C16orf96: variants seen among roughly 807,000 people sequenced by gnomAD.
C16orf96 encodes the protein chromosome 16 open reading frame 96, also known as uncharacterized protein C16orf96.
Under a neutral mutation model 103.6 loss-of-function variants are expected in C16orf96, and 108 were observed. The observed-to-expected ratio is 1.04, with a 90% CI of 0.89 to 1.22. C16orf96 has a LOEUF of 1.22. C16orf96 is among the 50% of genes most tolerant of loss of function. The probability of loss-of-function intolerance (pLI) is 0.00; values close to 1 mark genes in which losing one functional copy is unlikely to be tolerated. For synonymous variants in C16orf96, 566 were observed against 593.5 expected (o/e 0.95, Z 0.67); for missense variants, 1,586 against 1,464.2 (o/e 1.08, Z -1.36).
In C16orf96 at chr16:4,575,882, G is replaced by A; in HGVS notation, c.1402G>A (p.Gly468Ser). The change falls in exon 5 of 16, where the codon GGC becomes AGC. Residue 468 changes from glycine (G) to serine (S), a missense_variant. Gly to Ser is a moderately conservative substitution (Grantham distance 56). Transcript: ENST00000444310. ...GEENDVPSLR[G>S]LRERARKDGA... ...GGAAAATGATGTCCCCAGCCTAAGG[G>A]GCCTTCGGGAGAGGGCCCGCAAGGA... 6.4e-7 allele frequency: 1 copy of A among 1,551,578 alleles called. No homozygotes were observed. The highest frequency in any genetic ancestry group is 2.4e-5 in the East Asian group (1 of 40,910).
chr16:4,591,280 G>A (rs1308578589), intron 9 of C16orf96, among the ~76,000 whole-genome samples: 1 of 152,178 alleles, frequency 6.6e-6, no homozygotes, highest in African/African-American at 2.4e-5. Flanking sequence ...CCATAAACCT[G>A]CCCACTTTAC....
chr16:4,582,373 T>C (rs971845372), intron 7 of C16orf96, among the ~76,000 whole-genome samples: 4 of 152,046 alleles, frequency 2.6e-5, no homozygotes, highest in African/African-American at 9.7e-5. Flanking sequence ...GTCGGGGGGC[T>C]GTTGCTGGGA....
the C16orf96 span, among the ~76,000 whole-genome samples, chr16:4,546,553 C>T: frequency 2.0e-5 from 3 of 150,480 alleles, no homozygotes; most frequent in African/African-American, 7.3e-5. Context: ...CAGCCTCGAC[C>T]TTCCAAGCTC....
chr16:4,541,356 G>T, the C16orf96 span, among the ~76,000 whole-genome samples: 1 of 152,084 alleles, frequency 6.6e-6, no homozygotes, highest in Admixed American at 6.6e-5. Context: ...CAATACTTGT[G>T]GTGCTTTCTC....
At chr16:4,567,785 G>A (rs1393174301) in intron 1 of C16orf96, among the ~76,000 whole-genome samples, 1 of 127,120 alleles carries the variant, frequency 7.9e-6, no homozygotes, top group East Asian at 2.5e-4. Flanking sequence ...TACAACCTCT[G>A]CTCCTGGGTT....
chr16:4,549,290 C>T, the C16orf96 span, among the ~76,000 whole-genome samples: 1 of 151,792 alleles, frequency 6.6e-6, no homozygotes, highest in Admixed American at 6.6e-5. Flanking sequence ...CAGGCTAACA[C>T]GTTGAAACCC....
In C16orf96 at chr16:4,576,139, G is replaced by A; in HGVS notation, c.1659G>A (p.Gln553=). ...AGGATGGGGCCCCCAAGGAAGCACA[G>A]CCTAAGGCTCCCCAGTCTGCCCTTC... ...VGKDGAPKEA[Q]PKAPQSALHR... The change falls in exon 5 of 16, where the codon CAG becomes CAA. Residue 553 remains glutamine (Q), a synonymous_variant. Transcript: ENST00000444310. 6.4e-7 allele frequency: 1 copy of A among 1,551,502 alleles called. No homozygotes were observed. Among genetic ancestry groups the A allele is most frequent in the Non-Finnish European group, 8.7e-7 (1 of 1,146,996 alleles).
At position 4,589,165 on chromosome 16, in the gene C16orf96, C is replaced by T. The variant is rs144467452; in HGVS notation, c.2592+834C>T. 3.0e-3 allele frequency among the ~76,000 whole-genome samples: 455 copies of T among 152,264 alleles called. 1 individual carries two copies. The highest frequency in any genetic ancestry group is 0.01 in the African/African-American group (431 of 41,552). ...TGGCATAGTTAGCCTCCAGGGCGGT[C>T]GCCAACCATACCTCTTGGTATTCAC... is the stretch of plus-strand genomic sequence containing the variant. On this transcript the variant is annotated intron_variant, in intron 9 of 15. Coordinates refer to ENST00000444310, the MANE Select transcript of C16orf96 (RefSeq NM_001145011.2).
chr16:4,580,049 TAG>T lies in C16orf96; in HGVS notation c.2280_2281del (p.Glu760AspfsTer22). ...CTTGAGAGAATTTGGGGCAACCAAA[TAG>T]AGATGATGAAGGATCGCTACATCAC... On this transcript the variant is annotated frameshift_variant, in exon 7 of 16. Coordinates refer to ENST00000444310, the MANE Select transcript of C16orf96 (RefSeq NM_001145011.2). LOFTEE classifies it high-confidence loss of function. 5.8e-6 allele frequency: 9 copies of T among 1,551,204 alleles called. No homozygotes were observed. The highest frequency in any genetic ancestry group is 7.8e-6 in the Non-Finnish European group (9 of 1,146,762).
At chr16:4,563,769 A>T (rs938965653) in intron 1 of C16orf96, among the ~76,000 whole-genome samples, 1 of 150,324 alleles carries the variant, frequency 6.7e-6, no homozygotes, top group Non-Finnish European at 1.5e-5. Context: ...GGGTTTCACC[A>T]TGTTGGCCAG....
chr16:4,572,164 C>T (rs566674419), intron 2 of C16orf96, among the ~76,000 whole-genome samples: 1 of 152,052 alleles, frequency 6.6e-6, no homozygotes, highest in East Asian at 1.9e-4. Flanking sequence ...TCCATGCTTT[C>T]TACCCCAGTG....
intron 1 of C16orf96, among the ~76,000 whole-genome samples, chr16:4,568,440 G>T (rs1187727137): frequency 6.6e-6 from 1 of 151,346 alleles, no homozygotes; most frequent in East Asian, 1.9e-4. Flanking sequence ...CTCTTTTCTT[G>T]CTGGCCTTTT....
At chr16:4,580,981 G>T (rs2059578205) in intron 7 of C16orf96, among the ~76,000 whole-genome samples, 1 of 151,434 alleles carries the variant, frequency 6.6e-6, no homozygotes, top group African/African-American at 2.4e-5. Context: ...AAAATTAGCT[G>T]GGCGTGGTGG....
At chr16:4,557,062 C>T (rs564580977) in intron 1 of C16orf96, among the ~76,000 whole-genome samples, 153 bp downstream of exon 1, 54 of 152,256 alleles carry the variant, frequency 3.5e-4, no homozygotes, top group Middle Eastern at 3.4e-3. Flanking sequence ...CTCCGCCTCC[C>T]GGGTTCAAGT....
chr16:4,572,743 C>T (rs1352740903), intron 2 of C16orf96, among the ~76,000 whole-genome samples: 1 of 152,186 alleles, frequency 6.6e-6, no homozygotes, highest in Non-Finnish European at 1.5e-5. Context: ...GCTCTGTCCA[C>T]ATGGAAAGTG....
chr16:4,591,875 G>T (rs1897067074), intron 10 of C16orf96, 91 bp downstream of exon 10: 2 of 1,050,178 alleles, frequency 1.9e-6, no homozygotes, highest in Admixed American at 2.0e-5. Flanking sequence ...AAAGATTCCA[G>T]ACCTTTGGAT....
Position 4,576,571 on chromosome 16 carries a change from C to G in C16orf96, c.2091C>G (p.His697Gln), listed in dbSNP as rs114312438. 4 of 1,551,566 alleles carry G rather than the reference C, an allele frequency of 2.6e-6. No individual in the cohort carries two copies. In the South Asian group the frequency reaches 4.8e-5, roughly 18 times the overall value. The change falls in exon 5 of 16, where the codon CAC becomes CAG. Residue 697 changes from histidine (H) to glutamine (Q), a missense_variant. His to Gln is a conservative substitution (Grantham distance 24, BLOSUM62 0). Transcript: ENST00000444310. ...MSHIAQIPVK[H>Q]DSLKEEFAQL... ...ACATAGCCCAGATACCTGTCAAACA[C>G]GACTCTCTGAAGGAAGAATTTGCCC...
chr16:4,591,584 G>T, intron 9 of C16orf96, 82 bp from the exon 10 acceptor site: 1 of 1,137,594 alleles, frequency 8.8e-7, no homozygotes, highest in South Asian at 1.3e-5. Flanking sequence ...AACTTCCCAG[G>T]TTGCTGCAAC....
chr16:4,585,082 G>A (rs988876157), intron 7 of C16orf96, among the ~76,000 whole-genome samples: 7 of 152,294 alleles, frequency 4.6e-5, no homozygotes, highest in Admixed American at 1.3e-4. Flanking sequence ...GGGAGGTGGA[G>A]GTTGCAGTGA....
Sources: gnomAD v4.1 joint callset for allele counts (sites outside exome capture counted in the v4.1 genomes callset) on GRCh38, gnomAD v4.1.1 for gene constraint, MANE v1.5 for transcripts, NCBI Gene and HGNC (gene_info 2026-07-23, HGNC 2026-07-21) for gene names.